Variants in DAB1 observed in about 807,000 individuals in gnomAD.
The protein encoded by DAB1 is disabled homolog 1.
In DAB1, 15 loss-of-function variants were observed where a neutral mutation model predicts 64.6. The observed-to-expected ratio is 0.23, with a 90% CI of 0.16 to 0.36. The LOEUF (loss-of-function observed/expected upper bound fraction) is 0.36, where lower values mean the gene tolerates loss of function less well. Ranked by LOEUF, DAB1 falls within the 10% of genes least tolerant of loss-of-function variation. DAB1 has a pLI of 1.00. For synonymous variants in DAB1, 235 were observed against 251.9 expected, an observed-to-expected ratio of 0.93 and a Z score of 0.64; for missense variants, 596 against 706.7, an observed-to-expected ratio of 0.84 and a Z score of 1.78.
intron 3 of DAB1, among the ~76,000 whole-genome samples, chr1:58,381,872 T>TA (rs1465362009): frequency 1.3e-5 from 2 of 149,018 alleles, no homozygotes; most frequent in Non-Finnish European, 3.0e-5. Context: ...ATATCAATAG[T>TA]AAAAAATAAT....
chr1:58,069,145 G>A (rs928329971), intron 5 of DAB1, among the ~76,000 whole-genome samples: 1 of 152,176 alleles, frequency 6.6e-6, no homozygotes, highest in Admixed American at 6.5e-5. Context: ...CTCATTCCAT[G>A]TAGACTTCAA....
intron 3 of DAB1, among the ~76,000 whole-genome samples, chr1:58,444,068 C>G (rs562794749): frequency 3.9e-5 from 6 of 152,298 alleles, no homozygotes; most frequent in Admixed American, 3.9e-4. Context: ...TGTTATTACT[C>G]TCATTCTCCT....
chr1:58,345,698 T>C (rs1643988321), intron 3 of DAB1, among the ~76,000 whole-genome samples: 1 of 151,956 alleles, frequency 6.6e-6, no homozygotes, highest in Non-Finnish European at 1.5e-5. Flanking sequence ...CCAGAGATAC[T>C]CCAATCCCCT....
At chr1:58,196,542 A>G (rs190254055) in intron 4 of DAB1, among the ~76,000 whole-genome samples, 44 of 152,332 alleles carry the variant, frequency 2.9e-4, no homozygotes, top group African/African-American at 1.0e-3. Flanking sequence ...ACTGCTATAA[A>G]GAACTGCCAG....
chr1:57,265,435 C>T (rs1427319382), intron 2 of DAB1, among the ~76,000 whole-genome samples: 1 of 152,178 alleles, frequency 6.6e-6, no homozygotes, highest in Non-Finnish European at 1.5e-5. Flanking sequence ...TTCCCCCTCC[C>T]TGTTCTTTTA....
chr1:57,234,990 C>CTT (rs1295154391), intron 2 of DAB1, among the ~76,000 whole-genome samples: 1 of 152,166 alleles, frequency 6.6e-6, no homozygotes, highest in Non-Finnish European at 1.5e-5. Context: ...CTTTGAAGGA[C>CTT]CTACGTGATT....
chr1:58,000,223 T>C (rs1293516574), intron 5 of DAB1, among the ~76,000 whole-genome samples: 1 of 152,198 alleles, frequency 6.6e-6, no homozygotes, highest in Non-Finnish European at 1.5e-5. Flanking sequence ...CAGTGTATCA[T>C]ACTTAGTGCA....
intron 9 of DAB1, chr1:57,033,299 G>T: frequency 1.4e-6 from 2 of 1,392,588 alleles, no homozygotes; most frequent in Non-Finnish European, 2.0e-6. Context: ...CAGGAAATCT[G>T]CCATTCATGC....
intron 9 of DAB1, among the ~76,000 whole-genome samples, chr1:57,031,495 A>G (rs1646965344): frequency 6.6e-6 from 1 of 152,206 alleles, no homozygotes; most frequent in Non-Finnish European, 1.5e-5. Context: ...ATACTCACTG[A>G]GCCCCGTAAA....
At chr1:57,977,704 C>T (rs960430054) in intron 5 of DAB1, among the ~76,000 whole-genome samples, 2 of 5,210 alleles carry the variant, frequency 3.8e-4, no homozygotes, top group Non-Finnish European at 0.021. Flanking sequence ...CCTTTGCTGA[C>T]GACATCCCCC....
intron 4 of DAB1, among the ~76,000 whole-genome samples, chr1:57,129,742 A>G (rs1657484315): frequency 6.6e-6 from 1 of 152,100 alleles, no homozygotes. Context: ...GGGACCTTCC[A>G]TCCCTGATAT....
chr1:57,772,185 T>G (rs150302631), intron 6 of DAB1, among the ~76,000 whole-genome samples: 2 of 152,234 alleles, frequency 1.3e-5, no homozygotes, highest in African/African-American at 2.4e-5. Flanking sequence ...CCCCCTCTTG[T>G]GCTCTCAACA....
chr1:57,454,105 G>A (rs1475825232), intron 7 of DAB1, among the ~76,000 whole-genome samples: 2 of 152,054 alleles, frequency 1.3e-5, no homozygotes, highest in African/African-American at 4.8e-5. Flanking sequence ...GGTTTACTAT[G>A]CCAAGTTCTG....
At chr1:57,191,859 A>G (rs935201838) in intron 2 of DAB1, among the ~76,000 whole-genome samples, 3 of 152,162 alleles carry the variant, frequency 2.0e-5, no homozygotes, top group Non-Finnish European at 4.4e-5. Context: ...TATGTAGATG[A>G]TAATACCTAC....
intron 9 of DAB1, among the ~76,000 whole-genome samples, chr1:57,028,337 G>A (rs552766645): frequency 6.6e-6 from 1 of 152,110 alleles, no homozygotes; most frequent in Non-Finnish European, 1.5e-5. Context: ...CCATGATATT[G>A]AGGCCTCCCC....
chr1:58,293,118 G>A (rs1661885419), intron 4 of DAB1, among the ~76,000 whole-genome samples: 1 of 152,184 alleles, frequency 6.6e-6, no homozygotes, highest in African/African-American at 2.4e-5. Flanking sequence ...GAATAAATGA[G>A]CGAGTAGTGA....
chr1:58,180,281 C>CTTTTTTTTTTTTTCTTTTT (rs1656711052), intron 4 of DAB1, among the ~76,000 whole-genome samples: 1 of 61,004 alleles, frequency 1.6e-5, no homozygotes, highest in African/African-American at 7.1e-5. Context: ...TTTTTCTTTT[C>CTTTTTTTTTTTTTCTTTTT]TTTTTTTTTT....
chr1:57,014,853 G>T (rs1646373326), intron 12 of DAB1, 30 bp downstream of exon 12: 1 of 1,513,480 alleles, frequency 6.6e-7, no homozygotes, highest in African/African-American at 1.4e-5. Flanking sequence ...GCTCTCATTG[G>T]GTTTTATGTC....
At chr1:58,483,256 C>T (rs1645519563) in intron 3 of DAB1, among the ~76,000 whole-genome samples, 1 of 152,166 alleles carries the variant, frequency 6.6e-6, no homozygotes, top group Non-Finnish European at 1.5e-5. Flanking sequence ...TGAAAGCAGG[C>T]TCAAACATAT....
Sources: allele counts gnomAD v4.1 joint callset (sites outside exome capture counted in the v4.1 genomes callset), GRCh38; gene constraint gnomAD v4.1.1; transcripts MANE v1.5; gene names NCBI Gene and HGNC (gene_info 2026-07-23, HGNC 2026-07-21).